DEDD2: variants seen among roughly 807,000 people sequenced by gnomAD.
DEDD2 encodes the protein death effector domain containing 2, also known as DNA-binding death effector domain-containing protein 2.
DEDD2 carries 18 observed loss-of-function variants against 28.9 expected under a neutral mutation model. The observed-to-expected ratio is 0.62, with a 90% confidence interval of 0.43 to 0.92. The LOEUF (loss-of-function observed/expected upper bound fraction) is 0.92, where lower values mean the gene tolerates loss of function less well. Among genes scored for constraint, DEDD2 ranks in the 40% least tolerant of loss-of-function variants. The probability of loss-of-function intolerance (pLI) is 0.00; values close to 1 mark genes in which losing one functional copy is unlikely to be tolerated. For missense variants in DEDD2, 411 were observed against 463.3 expected (o/e 0.89, Z 1.04); for synonymous variants, 211 against 206.1 (o/e 1.02, Z -0.20).
chr19:42,206,301 C>A (rs1465024545), intron 4 of DEDD2, among the ~76,000 whole-genome samples: 5 of 152,056 alleles, frequency 3.3e-5, no homozygotes. Flanking sequence ...CCCTTGAGCA[C>A]TGGCACATCC....
chr19:42,210,450 A>G (rs907985627), intron 3 of DEDD2, among the ~76,000 whole-genome samples: 1 of 151,958 alleles, frequency 6.6e-6, no homozygotes, highest in Admixed American at 6.6e-5. Flanking sequence ...CTGGAGTGCA[A>G]TGGCACAATC....
intron 4 of DEDD2, among the ~76,000 whole-genome samples, chr19:42,208,192 A>G (rs2035608353): frequency 1.3e-5 from 2 of 152,258 alleles, no homozygotes; most frequent in African/African-American, 4.8e-5. Context: ...GGCGGTGCTC[A>G]TTGCTGTGTC....
At chr19:42,209,578 G>A in intron 4 of DEDD2, 122 bp downstream of exon 4, 1 of 1,369,468 alleles carries the variant, frequency 7.3e-7, no homozygotes, top group Non-Finnish European at 9.8e-7. Context: ...CCACTGTGGT[G>A]AACGAGAGCT....
At position 42,199,443 on chromosome 19, in the gene DEDD2, A is replaced by C. The variant is rs981429645; in HGVS notation, c.976T>G (p.Ser326Ala). 6.2e-7 allele frequency: 1 copy of C among 1,601,340 alleles called. No homozygotes were observed. Among genetic ancestry groups the C allele is most frequent in the African/African-American group, 1.3e-5 (1 of 74,570 alleles). Residue 326 changes from serine to alanine, a missense_variant, in exon 5 of 5, where the codon TCC becomes GCC. Around this residue, in one of 2 missense-constraint regions of DEDD2, gnomAD observed 129 missense variants for 189.9 expected, o/e 0.68. Coordinates refer to ENST00000596251, the MANE Select transcript of DEDD2 (RefSeq NM_133328.4). This position sits in a 1 kb window ranked among gnomAD's most constrained non-coding sequence, Gnocchi z 7.4. Reference protein sequence around the residue: ...EEGGRRPTEAS With the variant: ...EEGGRRPTEAA ...TCAATCCTGCCAGTCCTGGATCAGG[A>C]GGCCTCTGTCGGGCGCCGCCCCCCT...
intron 2 of DEDD2, among the ~76,000 whole-genome samples, chr19:42,215,902 T>G (rs1452850217): frequency 6.6e-6 from 1 of 152,224 alleles, no homozygotes; most frequent in African/African-American, 2.4e-5. Flanking sequence ...TTGGCTAGGT[T>G]TGAATCCTGG....
chr19:42,212,781 T>C (rs2035822051), intron 3 of DEDD2, among the ~76,000 whole-genome samples: 1 of 152,170 alleles, frequency 6.6e-6, no homozygotes. Context: ...TTTATCTTTT[T>C]AGACACAGGG....
At position 42,216,941 on chromosome 19, in the gene DEDD2, T is replaced by C. The variant is rs2035999011; in HGVS notation, c.67A>G (p.Met23Val). 1 of 1,602,528 alleles carries C rather than the reference T, an allele frequency of 6.2e-7. No homozygotes were observed. Among genetic ancestry groups the C allele is most frequent in the Non-Finnish European group, 8.5e-7 (1 of 1,175,050 alleles). Residue 23 changes from methionine (M) to valine (V), a missense_variant, in exon 2 of 5, where the codon ATG becomes GTG. By Grantham distance (21) the Met-to-Val change is conservative (BLOSUM62 1). Coordinates refer to ENST00000596251, the MANE Select transcript of DEDD2 (RefSeq NM_133328.4). Reference sequence around the variant, plus strand: ...TCGAACATACGGTGAAGCGACAGCATCCCGTAGTAGTCCAGGCACTCATCC... The same window carrying C: ...TCGAACATACGGTGAAGCGACAGCACCCCGTAGTAGTCCAGGCACTCATCC... Reference protein sequence around the residue: ...EEDECLDYYGMLSLHRMFEVV... With the variant: ...EEDECLDYYGVLSLHRMFEVV...
At chr19:42,205,557 G>A (rs930325331) in intron 4 of DEDD2, among the ~76,000 whole-genome samples, 1 of 151,988 alleles carries the variant, frequency 6.6e-6, no homozygotes, top group Admixed American at 6.6e-5. Flanking sequence ...AACCCGGGAG[G>A]CAGAGGTTGC....
chr19:42,217,230 G>A (rs1172705201), intron 1 of DEDD2, among the ~76,000 whole-genome samples, 185 bp from the exon 2 acceptor site: 1 of 151,996 alleles, frequency 6.6e-6, no homozygotes, highest in African/African-American at 2.4e-5. Flanking sequence ...AACAGGTCGG[G>A]ACGCCGGAGC....
rs778265442 is a variant in DEDD2, at chr19:42,215,226, T to C, written c.355A>G (p.Thr119Ala). The C allele has an allele frequency of 1.2e-6, 2 of 1,613,300 alleles. No individual in the cohort carries two copies. Among genetic ancestry groups the C allele is most frequent in the Non-Finnish European group, 8.5e-7 (1 of 1,179,726 alleles). The change falls in exon 3 of 5, where the codon ACC (threonine) becomes GCC (alanine). Residue 119 changes from threonine to alanine, a missense_variant. By Grantham distance (58) the Thr-to-Ala change is moderately conservative. This residue lies in a region of DEDD2 where 282 missense variants were observed against 273.4 expected (regional missense o/e 1.03). Coordinates refer to ENST00000596251, the MANE Select transcript of DEDD2 (RefSeq NM_133328.4). ...PVSPERYSYG[T>A]SSSSKRTEGS... The stretch of plus-strand genomic sequence containing the variant: ...TCTGTCCTCTTTGAAGAGCTGGAGG[T>C]GCCATAGCTATAGCGTTCTGGAGAC...
Position 42,215,138 on chromosome 19 carries a change from T to TCCCACTGA in DEDD2, c.435_442dup (p.Glu148ValfsTer50). On this transcript the variant is annotated frameshift_variant, in exon 3 of 5. Transcript: ENST00000596251. LOFTEE classifies it high-confidence loss of function. ...ACCCACCCAGCTGGGCTCACCTGTC[T>TCCCACTGA]CCCACTGACCCTGCTGAGAATTTGC... is the stretch of plus-strand genomic sequence containing the variant. 1 of 1,613,940 alleles carries TCCCACTGA rather than the reference T, an allele frequency of 6.2e-7. No homozygotes were observed. Among genetic ancestry groups the TCCCACTGA allele is most frequent in the Non-Finnish European group, 8.5e-7 (1 of 1,179,986 alleles).
intron 4 of DEDD2, among the ~76,000 whole-genome samples, chr19:42,208,355 C>A (rs2035616129): frequency 6.7e-6 from 1 of 149,474 alleles, no homozygotes; most frequent in Admixed American, 6.7e-5. Flanking sequence ...CCCTCTCCAA[C>A]ACGACCCCCA....
intron 4 of DEDD2, among the ~76,000 whole-genome samples, chr19:42,209,256 G>A (rs1257811120): frequency 6.6e-6 from 1 of 150,740 alleles, no homozygotes; most frequent in Non-Finnish European, 1.5e-5. Context: ...AAAAAGAAAA[G>A]AAAAGAAACG....
At chr19:42,207,806 G>A (rs1352144091) in intron 4 of DEDD2, among the ~76,000 whole-genome samples, 1 of 149,188 alleles carries the variant, frequency 6.7e-6, no homozygotes, top group African/African-American at 2.5e-5. Context: ...TCCAAACCAA[G>A]GCCCCCCACC....
chr19:42,200,365 T>C (rs570223167), intron 4 of DEDD2, among the ~76,000 whole-genome samples: 5 of 152,352 alleles, frequency 3.3e-5, no homozygotes, highest in East Asian at 1.9e-4. Flanking sequence ...CTGTGGCACA[T>C]AGTAGGTGTT....
rs35862480 is a variant in DEDD2 at position 42,215,000 on chromosome 19, AACACAC to A, written c.448+127_448+132del. ...TCAGAACAGAGTATCTGTAGCAATAAACACACACACACACACACACACACACACACA... is the reference window on the plus strand; with the variant it reads ...TCAGAACAGAGTATCTGTAGCAATAAACACACACACACACACACACACACA... On this transcript the variant is annotated intron_variant, in intron 3 of 4. Coordinates refer to ENST00000596251, the MANE Select transcript of DEDD2 (RefSeq NM_133328.4). 5.1e-3 allele frequency: 5,290 copies of A among 1,036,716 alleles called. 16 individuals carry two copies. Among genetic ancestry groups the A allele is most frequent in the African/African-American group, 0.025 (1,477 of 59,668 alleles). 64.2% of individuals were successfully genotyped at this position (1,036,716 alleles called of 1,614,324 possible).
At chr19:42,209,572 T>C in intron 4 of DEDD2, 128 bp downstream of exon 4, 10 of 1,325,806 alleles carry the variant, frequency 7.5e-6, no homozygotes, top group South Asian at 2.9e-5. Flanking sequence ...AGAATTCCAC[T>C]GTGGTGAACG....
chr19:42,205,456 CCTGT>C (rs879885943), intron 4 of DEDD2, among the ~76,000 whole-genome samples: 6 of 151,858 alleles, frequency 4.0e-5, no homozygotes, highest in South Asian at 2.1e-4. Context: ...ATGGAGAAAC[CCTGT>C]CTATTAAAAA....
At position 42,199,890 on chromosome 19, in the gene DEDD2, C is replaced by A; in HGVS notation, c.590-61G>T. On this transcript the variant is annotated intron_variant, in intron 4 of 4. Coordinates refer to ENST00000596251, the MANE Select transcript of DEDD2 (RefSeq NM_133328.4). The surrounding 1 kb of genome is among the most constrained non-coding windows in gnomAD (Gnocchi z 7.4). ...CAACACTAGACACACTTATGGGGAA[C>A]GCCACCCTTCCTCCCTCCAGCCTTC... 6.7e-7 allele frequency: 1 copy of A among 1,498,012 alleles called. No homozygotes were observed. The highest frequency in any genetic ancestry group is 1.3e-5 in the South Asian group (1 of 76,060). The allele number at this position is 1,498,012 out of a possible 1,614,324, so 92.8% of individuals were successfully genotyped here. A position where few individuals can be genotyped will look rare whatever the true frequency, so the allele number is the denominator to read the frequency against.
Sources: gnomAD v4.1 joint callset for allele counts (sites outside exome capture counted in the v4.1 genomes callset) on GRCh38, gnomAD v4.1.1 for gene constraint, gnomAD v4.1.1 regional missense constraint, Gnocchi (gnomAD v3.1) non-coding constraint, MANE v1.5 for transcripts, NCBI Gene and HGNC (gene_info 2026-07-23, HGNC 2026-07-21) for gene names.